The following RIMS2 variants were observed in gnomAD, a reference collection of about 807,000 sequenced individuals.
RIMS2 encodes regulating synaptic membrane exocytosis 2.
RIMS2 carries 59 observed loss-of-function variants against 174.4 expected under a neutral mutation model. The ratio of observed to expected loss-of-function variants is 0.34; its 90% CI spans 0.27 to 0.42. RIMS2 has a LOEUF of 0.42. Ranked by LOEUF, RIMS2 falls within the 10% of genes least tolerant of loss-of-function variation. The pLI is 1.00. For missense variants in RIMS2, 1,620 were observed against 1,666.3 expected (o/e 0.97, Z 0.48); for synonymous variants, 606 against 572.5 (o/e 1.06, Z -0.84).
intron 17 of RIMS2, among the ~76,000 whole-genome samples, chr8:103,997,835 T>C (rs2095195726): frequency 6.6e-6 from 1 of 151,644 alleles, no homozygotes; most frequent in Non-Finnish European, 1.5e-5. Context: ...TATTATTTCC[T>C]TCTTAAACTT....
At chr8:103,760,896 G>A in intron 2 of RIMS2, among the ~76,000 whole-genome samples, 1 of 152,098 alleles carries the variant, frequency 6.6e-6, no homozygotes, top group East Asian at 1.9e-4. Flanking sequence ...TAATGAATTG[G>A]TGTTAATAGT....
chr8:104,095,869 T>A (rs2097754263), intron 19 of RIMS2, among the ~76,000 whole-genome samples: 1 of 152,102 alleles, frequency 6.6e-6, no homozygotes, highest in South Asian at 2.1e-4. Context: ...CTCTACCCAT[T>A]GAGTATACAA....
chr8:104,045,222 A>G (rs2096672805), intron 19 of RIMS2, among the ~76,000 whole-genome samples: 2 of 151,832 alleles, frequency 1.3e-5, no homozygotes, highest in Admixed American at 6.6e-5. Flanking sequence ...TTAAACCACA[A>G]TTATAAGACC....
At chr8:103,594,662 G>A (rs1405072739) in intron 1 of RIMS2, among the ~76,000 whole-genome samples, 1 of 151,808 alleles carries the variant, frequency 6.6e-6, no homozygotes, top group Non-Finnish European at 1.5e-5. Flanking sequence ...AAAAGGGAAT[G>A]CAGATTGCTG....
At chr8:104,019,513 T>A (rs2096027726) in intron 19 of RIMS2, among the ~76,000 whole-genome samples, 2 of 152,086 alleles carry the variant, frequency 1.3e-5, no homozygotes, top group South Asian at 4.1e-4. Context: ...CTCAATGGAG[T>A]TTTTAGTTTT....
intron 1 of RIMS2, among the ~76,000 whole-genome samples, chr8:103,623,478 G>GTTTTTTTTTTTTTTT (rs71575976): frequency 3.6e-5 from 3 of 83,238 alleles, no homozygotes; most frequent in Admixed American, 1.8e-4. Flanking sequence ...GGTTTCTTCA[G>GTTTTTTTTTTTTTTT]TTTTTTTTTT....
chr8:103,770,656 T>G (rs2098241809), intron 3 of RIMS2, among the ~76,000 whole-genome samples: 1 of 152,188 alleles, frequency 6.6e-6, no homozygotes, highest in African/African-American at 2.4e-5. Context: ...AGCAGTTCTC[T>G]TAGTGTTGTT....
At chr8:104,243,807 C>A (rs1256235024) in intron 19 of RIMS2, among the ~76,000 whole-genome samples, 1 of 152,190 alleles carries the variant, frequency 6.6e-6, no homozygotes, top group Non-Finnish European at 1.5e-5. Context: ...TAATCGAGTA[C>A]AAATCATTTG....
intron 1 of RIMS2, among the ~76,000 whole-genome samples, chr8:103,533,318 A>G (rs1019231063): frequency 1.3e-5 from 2 of 152,346 alleles, no homozygotes; most frequent in East Asian, 3.9e-4. Context: ...AGTCAGTTAC[A>G]AAACACAACA....
At chr8:103,671,644 T>C (rs1171655765) in intron 1 of RIMS2, among the ~76,000 whole-genome samples, 1 of 152,182 alleles carries the variant, frequency 6.6e-6, no homozygotes, top group Admixed American at 6.5e-5. Context: ...TGCATCAGAA[T>C]TAAGCAGTTA....
intron 1 of RIMS2, among the ~76,000 whole-genome samples, chr8:103,517,256 G>A (rs2130120293): frequency 6.6e-6 from 1 of 152,326 alleles, no homozygotes; most frequent in African/African-American, 2.4e-5. Flanking sequence ...ATTCAAACTG[G>A]CCTTGCAGGA....
At chr8:103,558,912 G>T (rs1338955778) in intron 1 of RIMS2, among the ~76,000 whole-genome samples, 7 of 152,046 alleles carry the variant, frequency 4.6e-5, no homozygotes, top group Non-Finnish European at 1.0e-4. Flanking sequence ...ACAAATTCTT[G>T]TGGTTTTGTT....
At chr8:103,870,854 A>T (rs537289018) in intron 3 of RIMS2, among the ~76,000 whole-genome samples, 1 of 152,152 alleles carries the variant, frequency 6.6e-6, no homozygotes, top group African/African-American at 2.4e-5. Context: ...CCTAGGTTTA[A>T]CCATAGGATT....
chr8:104,133,741 T>G (rs1327262414), intron 19 of RIMS2, among the ~76,000 whole-genome samples: 1 of 152,046 alleles, frequency 6.6e-6, no homozygotes, highest in Non-Finnish European at 1.5e-5. Context: ...ATTTTAGAGA[T>G]AGAATCTGTA....
chr8:103,531,375 G>A (rs190308888), intron 1 of RIMS2, among the ~76,000 whole-genome samples: 1 of 152,236 alleles, frequency 6.6e-6, no homozygotes, highest in East Asian at 1.9e-4. Context: ...ATATATTTAG[G>A]AATCAATAAA....
intron 16 of RIMS2, among the ~76,000 whole-genome samples, chr8:103,982,475 T>C (rs1232776661): frequency 1.5e-5 from 2 of 137,782 alleles, no homozygotes; most frequent in Non-Finnish European, 3.1e-5. Context: ...CTCTAATGAA[T>C]ATTGATGCAG....
intron 6 of RIMS2, among the ~76,000 whole-genome samples, chr8:103,912,748 A>G (rs2075921790): frequency 6.6e-6 from 1 of 152,124 alleles, no homozygotes; most frequent in South Asian, 2.1e-4. Context: ...AATACCAGAA[A>G]ATTATTTGGT....
At chr8:104,093,627 G>C in intron 19 of RIMS2, 2 of 1,593,654 alleles carry the variant, frequency 1.3e-6, no homozygotes, top group Non-Finnish European at 1.7e-6. Flanking sequence ...ACGCCCAGGA[G>C]GAAACAAGAA....
intron 19 of RIMS2, among the ~76,000 whole-genome samples, chr8:104,089,204 A>G (rs1364751195): frequency 6.6e-6 from 1 of 151,896 alleles, no homozygotes; most frequent in East Asian, 1.9e-4. Flanking sequence ...CTATATTCTA[A>G]TACATGCTAA....
Sources: gnomAD v4.1 joint callset for allele counts (sites outside exome capture counted in the v4.1 genomes callset) on GRCh38, gnomAD v4.1.1 for gene constraint, MANE v1.5 for transcripts, NCBI Gene and HGNC (gene_info 2026-07-23, HGNC 2026-07-21) for gene names.